Variants in PIK3R1 observed in about 807,000 individuals in gnomAD.
The protein encoded by PIK3R1 is phosphatidylinositol 3-kinase regulatory subunit alpha.
Under a neutral mutation model 98.0 loss-of-function variants are expected in PIK3R1, and 29 were observed. The observed-to-expected ratio is 0.30, with a 90% CI of 0.22 to 0.40. The LOEUF (loss-of-function observed/expected upper bound fraction) is 0.40. Ranked by LOEUF, PIK3R1 falls within the 10% of genes least tolerant of loss-of-function variation. PIK3R1 has a pLI of 1.00. For missense variants in PIK3R1, 596 were observed against 872.7 expected, an observed-to-expected ratio of 0.68 and a Z score of 3.99; for synonymous variants, 282 against 311.8, an observed-to-expected ratio of 0.90 and a Z score of 1.01.
intron 7 of PIK3R1, chr5:68,288,783 T>C (rs369089661): frequency 5.2e-5 from 84 of 1,600,536 alleles, no homozygotes; most frequent in Non-Finnish European, 6.6e-5. Context: ...CACTTCTCTG[T>C]TCCTTATCTG....
At chr5:68,274,137 A>G in intron 4 of PIK3R1, 124 bp downstream of exon 4, 1 of 778,278 alleles carries the variant, frequency 1.3e-6, no homozygotes, top group Admixed American at 2.0e-5. Context: ...GGGAACTCAA[A>G]TCATGTACAG....
rs945045202 is a variant in PIK3R1, at chr5:68,228,525, A to G, written c.334+1516A>G. On this transcript the variant is annotated intron_variant, in intron 2 of 15. Transcript: ENST00000521381. ...AAAAACCATGACTCTCCGCACATAC[A>G]TAAGTGATTTTATCAACCATTGCAG... 7.2e-5 allele frequency among the ~76,000 whole-genome samples: 11 copies of G among 152,346 alleles called. No individual in the cohort carries two copies. The South Asian group carries it at 1.2e-3, about 17-fold the overall frequency.
At chr5:68,286,197 C>T (rs955449464) in intron 7 of PIK3R1, among the ~76,000 whole-genome samples, 7 of 151,984 alleles carry the variant, frequency 4.6e-5, no homozygotes, top group East Asian at 1.9e-4. Flanking sequence ...ATGAGTTTTA[C>T]GAAACTTTGA....
chr5:68,226,739 A>G lies in PIK3R1; in HGVS notation c.64A>G (p.Ile22Val). 6.2e-7 allele frequency: 1 copy of G among 1,614,160 alleles called. No individual in the cohort carries two copies. The highest frequency in any genetic ancestry group is 8.5e-7 in the Non-Finnish European group (1 of 1,180,008). The stretch of plus-strand genomic sequence containing the variant: ...TTATAAAAAGGAAAGAGAAGAAGAT[A>G]TTGACTTGCACTTGGGTGACATATT... Reference protein sequence around the residue: ...YDYKKEREEDIDLHLGDILTV... With the variant: ...YDYKKEREEDVDLHLGDILTV... The change falls in exon 2 of 16, where the codon ATT becomes GTT. Residue 22 changes from isoleucine to valine, a missense_variant. Ile to Val is a conservative substitution (Grantham distance 29). Around this residue, in one of 3 missense-constraint regions of PIK3R1, gnomAD observed 352 missense variants for 393.3 expected, o/e 0.90. Coordinates refer to ENST00000521381, the MANE Select transcript of PIK3R1 (RefSeq NM_181523.3).
intron 2 of PIK3R1, among the ~76,000 whole-genome samples, chr5:68,244,814 A>G (rs1373709404): frequency 1.3e-5 from 2 of 152,182 alleles, no homozygotes; most frequent in East Asian, 3.8e-4. Context: ...TTAAGAAACC[A>G]TATCTTTAAC....
At chr5:68,288,124 A>G (rs1747154954) in intron 7 of PIK3R1, among the ~76,000 whole-genome samples, 1 of 152,136 alleles carries the variant, frequency 6.6e-6, no homozygotes, top group Admixed American at 6.5e-5. Context: ...TTGGCTGTGC[A>G]TAGTGCCTCG....
chr5:68,242,075 G>A (rs1337002334), intron 2 of PIK3R1, among the ~76,000 whole-genome samples: 2 of 152,210 alleles, frequency 1.3e-5, no homozygotes, highest in African/African-American at 2.4e-5. Context: ...GGAAGAATAC[G>A]AAGTATCACA....
chr5:68,269,069 TCATTGGTGTTCTGGTCAA>T (rs1227433728), intron 2 of PIK3R1, among the ~76,000 whole-genome samples: 1 of 152,162 alleles, frequency 6.6e-6, no homozygotes, highest in African/African-American at 2.4e-5. Flanking sequence ...GACACCTAGT[TCATTGGTGTTCTGGTCAA>T]CATTGAAGGC....
chr5:68,288,528 C>G, intron 7 of PIK3R1: 2 of 1,366,480 alleles, frequency 1.5e-6, no homozygotes, highest in South Asian at 1.7e-5. Flanking sequence ...CGAGCCGAGC[C>G]AAGCGGAGCT....
chr5:68,217,647 T>TGTGTGG (rs1743947574), intron 1 of PIK3R1: 1 of 136,096 alleles, frequency 7.3e-6, no homozygotes, highest in East Asian at 2.0e-4. Context: ...TGTGTGTGTG[T>TGTGTGG]GTGTGTGCGC....
At position 68,298,503 on chromosome 5, in the gene PIK3R1, T is replaced by C. The variant is rs1403254528; in HGVS notation, c.*902T>C. 3 of 233,260 alleles carry C rather than the reference T, an allele frequency of 1.3e-5. No homozygotes were observed. The highest frequency in any genetic ancestry group is 5.6e-5 in the Admixed American group (1 of 17,782). 14.4% of individuals were successfully genotyped at this position (233,260 alleles called of 1,614,324 possible). ...CAGTTTTTGTTGCTTGAAAATATTG[T>C]TGTCCCGGATTTTTGTTAATATTCA... On this transcript the variant is annotated 3_prime_UTR_variant, in exon 16 of 16. Coordinates refer to ENST00000521381, the MANE Select transcript of PIK3R1 (RefSeq NM_181523.3).
intron 7 of PIK3R1, among the ~76,000 whole-genome samples, chr5:68,282,840 T>C (rs1746906699): frequency 6.6e-6 from 1 of 152,212 alleles, no homozygotes; most frequent in South Asian, 2.1e-4. Flanking sequence ...TTAAAAAAAA[T>C]TAAATCCAAG....
In PIK3R1 at chr5:68,280,991, C is replaced by T. The variant is rs367669362; in HGVS notation, c.901C>T (p.Arg301Ter). The T allele has an allele frequency of 3.1e-6, 5 of 1,601,978 alleles. No homozygotes were observed. The highest frequency in any genetic ancestry group is 4.3e-6 in the Non-Finnish European group (5 of 1,172,784). ...TTTAATCTCAACTGAATGGAATGAA[C>T]GACAGCCTGCACCAGGTAATGCTTT... is the stretch of plus-strand genomic sequence containing the variant. ...EILISTEWNERQPAPALPPKP... is the reference protein window; with the variant it reads ...EILISTEWNE Residue 301 changes from arginine (R) to a stop codon, truncating the protein, a stop_gained, in exon 7 of 16, where the codon CGA (arginine) becomes TGA (stop). Coordinates refer to ENST00000521381, the MANE Select transcript of PIK3R1 (RefSeq NM_181523.3). LOFTEE classifies it high-confidence loss of function.
chr5:68,275,471 T>C (rs1746532435), intron 4 of PIK3R1, among the ~76,000 whole-genome samples: 1 of 151,506 alleles, frequency 6.6e-6, no homozygotes, highest in Admixed American at 6.6e-5. Flanking sequence ...TGAGAAATAG[T>C]GGTTAGGTTT....
At chr5:68,252,554 A>G (rs1458859487) in intron 2 of PIK3R1, among the ~76,000 whole-genome samples, 2 of 152,186 alleles carry the variant, frequency 1.3e-5, no homozygotes, top group African/African-American at 2.4e-5. Context: ...TGTGCGTGCA[A>G]ATGTGATTAC....
chr5:68,293,273 A>G, intron 9 of PIK3R1, 30 bp from the exon 10 acceptor site: 1 of 1,598,164 alleles, frequency 6.3e-7, no homozygotes, highest in Non-Finnish European at 8.6e-7. Flanking sequence ...CCAAAATGTT[A>G]ATACCTTTAT....
intron 10 of PIK3R1, 24 bp from the exon 11 acceptor site, chr5:68,293,685 T>C (rs761689390): frequency 1.5e-6 from 2 of 1,371,364 alleles, no homozygotes; most frequent in Non-Finnish European, 2.0e-6. Flanking sequence ...ACCTTATCCA[T>C]TGAATTTATT....
Position 68,222,909 on chromosome 5 carries a change from C to T in PIK3R1, c.-386-3381C>T, listed in dbSNP as rs996287984. 2.6e-4 allele frequency among the ~76,000 whole-genome samples: 39 copies of T among 151,972 alleles called. 1 individual carries two copies. The highest frequency in any genetic ancestry group is 9.6e-4 in the East Asian group (5 of 5,184). On this transcript the variant is annotated intron_variant, in intron 1 of 15. Transcript: ENST00000521381. ...CTGGATCTGAATTCTAGTTCCTCTT[C>T]GCAATTGCTAAGTATTATCGTGACA...
In PIK3R1 at chr5:68,301,396, A is replaced by ATG. The variant is rs1561308188; in HGVS notation, c.*3796_*3797insGT. The ATG allele has an allele frequency of 3.3e-5, 1 of 30,490 alleles. No individual in the cohort carries two copies. The highest frequency in any genetic ancestry group is 1.2e-4 in the African/African-American group (1 of 8,196). The allele number at this position is 30,490 out of a possible 1,614,324, so 1.9% of individuals were successfully genotyped here. A position where few individuals can be genotyped will look rare whatever the true frequency, so the allele number is the denominator to read the frequency against. On this transcript the variant is annotated 3_prime_UTR_variant, in exon 16 of 16. Coordinates refer to ENST00000521381, the MANE Select transcript of PIK3R1 (RefSeq NM_181523.3). ...TGTGTGTGTGTGTGTGTGTGTGTAT[A>ATG]TATATATATATATATATATATATAT...
Sources: gnomAD v4.1 joint callset for allele counts (sites outside exome capture counted in the v4.1 genomes callset) on GRCh38, gnomAD v4.1.1 for gene constraint, gnomAD v4.1.1 regional missense constraint, MANE v1.5 for transcripts, NCBI Gene and HGNC (gene_info 2026-07-23, HGNC 2026-07-21) for gene names.